Variants in SYT1 observed in about 807,000 individuals in gnomAD.
SYT1 encodes the protein synaptotagmin-1.
In SYT1, 8 loss-of-function variants were observed where a neutral mutation model predicts 44.8. The ratio of observed to expected loss-of-function variants is 0.18; its 90% confidence interval spans 0.10 to 0.32. The LOEUF (loss-of-function observed/expected upper bound fraction) is 0.32. SYT1 is among the 10% of genes least tolerant of loss of function. SYT1 has a pLI of 1.00. For missense variants in SYT1, 286 were observed against 509.3 expected (o/e 0.56, Z 4.22); for synonymous variants, 154 against 188.8 (o/e 0.82, Z 1.51).
At chr12:79,439,384 T>G (rs1246731094) in intron 9 of SYT1, among the ~76,000 whole-genome samples, 1 of 152,158 alleles carries the variant, frequency 6.6e-6, no homozygotes. Context: ...AATGTTCCCT[T>G]TGTCTTTTAT....
At chr12:79,316,993 A>G (rs1251278692) in intron 8 of SYT1, among the ~76,000 whole-genome samples, 1 of 152,220 alleles carries the variant, frequency 6.6e-6, no homozygotes, top group East Asian at 1.9e-4. Context: ...AATAAATTAT[A>G]TACCTATGTG....
At chr12:78,888,261 C>T (rs1003923603) in intron 1 of SYT1, among the ~76,000 whole-genome samples, 8 of 151,680 alleles carry the variant, frequency 5.3e-5, no homozygotes, top group African/African-American at 1.5e-4. Flanking sequence ...AAATGGATTG[C>T]TCATATTTCA....
At chr12:79,035,924 T>A (rs1873098922) in intron 2 of SYT1, among the ~76,000 whole-genome samples, 1 of 144,852 alleles carries the variant, frequency 6.9e-6, no homozygotes, top group Non-Finnish European at 1.5e-5. Context: ...AATATGACAA[T>A]GAGAAAACAA....
chr12:79,292,329 A>G (rs538848526), intron 6 of SYT1, among the ~76,000 whole-genome samples, 199 bp downstream of exon 6: 1 of 152,190 alleles, frequency 6.6e-6, no homozygotes, highest in African/African-American at 2.4e-5. Flanking sequence ...AATTCACAGT[A>G]TTCAACCGAT....
At chr12:79,138,476 C>T (rs575449445) in intron 3 of SYT1, among the ~76,000 whole-genome samples, 1 of 152,178 alleles carries the variant, frequency 6.6e-6, no homozygotes, top group Non-Finnish European at 1.5e-5. Context: ...TAAAAAAGTA[C>T]TATCTTAATT....
intron 9 of SYT1, among the ~76,000 whole-genome samples, chr12:79,367,066 C>T (rs1883580071): frequency 6.6e-6 from 1 of 151,974 alleles, no homozygotes; most frequent in Non-Finnish European, 1.5e-5. Context: ...GCCACAAGAC[C>T]CAGCATATTT....
intron 1 of SYT1, among the ~76,000 whole-genome samples, chr12:78,916,752 G>A (rs1001920222): frequency 4.6e-5 from 7 of 151,870 alleles, no homozygotes; most frequent in African/African-American, 1.4e-4. Context: ...AGTGTTTACT[G>A]TTTTGCTACC....
At chr12:79,033,279 T>C (rs887270778) in intron 2 of SYT1, among the ~76,000 whole-genome samples, 2 of 151,332 alleles carry the variant, frequency 1.3e-5, no homozygotes, top group African/African-American at 4.8e-5. Flanking sequence ...TGTAATTAGA[T>C]TGAACTCTTC....
chr12:79,373,199 C>T (rs1029459883), intron 9 of SYT1, among the ~76,000 whole-genome samples: 3 of 152,152 alleles, frequency 2.0e-5, no homozygotes, highest in Admixed American at 1.3e-4. Flanking sequence ...GGAATATCCT[C>T]TCCTACAATT....
At chr12:79,178,238 T>C (rs1265366524) in intron 3 of SYT1, among the ~76,000 whole-genome samples, 1 of 92,576 alleles carries the variant, frequency 1.1e-5, no homozygotes, top group African/African-American at 4.8e-5. Flanking sequence ...TCATTTCCTT[T>C]ACATTTTGAG....
intron 9 of SYT1, among the ~76,000 whole-genome samples, chr12:79,424,761 CTT>C (rs1869335282): frequency 6.6e-6 from 1 of 151,686 alleles, no homozygotes; most frequent in African/African-American, 2.4e-5. Context: ...GAAATATTCT[CTT>C]AACTTCTGTT....
chr12:78,921,640 C>T (rs187709677), intron 1 of SYT1, among the ~76,000 whole-genome samples: 2 of 151,844 alleles, frequency 1.3e-5, no homozygotes, highest in Admixed American at 1.3e-4. Flanking sequence ...GAAGACATGC[C>T]CCACCAGGCT....
chr12:79,250,408 G>C (rs557500794), intron 4 of SYT1, among the ~76,000 whole-genome samples: 1 of 152,128 alleles, frequency 6.6e-6, no homozygotes, highest in Non-Finnish European at 1.5e-5. Flanking sequence ...GAACACTCAC[G>C]TTGAATCACC....
intron 4 of SYT1, among the ~76,000 whole-genome samples, chr12:79,276,403 C>A (rs183847044): frequency 1.3e-5 from 2 of 151,838 alleles, no homozygotes; most frequent in East Asian, 1.9e-4. Flanking sequence ...ATTAGTGGGG[C>A]GCAATGACTC....
At chr12:79,113,043 T>C (rs953011816) in intron 3 of SYT1, among the ~76,000 whole-genome samples, 1 of 152,152 alleles carries the variant, frequency 6.6e-6, no homozygotes, top group Non-Finnish European at 1.5e-5. Context: ...TGCAACTGAA[T>C]GAACAAGCCC....
At chr12:79,305,457 T>A (rs73351049) in intron 8 of SYT1, among the ~76,000 whole-genome samples, 1,671 of 152,212 alleles carry the variant, frequency 0.011, 32 homozygotes, top group African/African-American at 0.038. Context: ...TCATCTTCAT[T>A]AAAGCTTATA....
intron 3 of SYT1, among the ~76,000 whole-genome samples, chr12:79,201,257 G>A (rs1342460095): frequency 2.0e-5 from 3 of 152,124 alleles, no homozygotes; most frequent in Non-Finnish European, 4.4e-5. Context: ...CAGAGCCAAT[G>A]AGAGATTCTA....
At chr12:79,006,294 CT>C (rs1161090991) in intron 2 of SYT1, among the ~76,000 whole-genome samples, 3 of 152,104 alleles carry the variant, frequency 2.0e-5, no homozygotes, top group Non-Finnish European at 4.4e-5. Flanking sequence ...CAAAGGAATG[CT>C]TGGTTAAGAC....
chr12:79,434,008 G>T (rs569886163), intron 9 of SYT1, among the ~76,000 whole-genome samples: 136 of 152,236 alleles, frequency 8.9e-4, no homozygotes, highest in African/African-American at 3.1e-3. Flanking sequence ...GTCACATGCT[G>T]TCCATTTGCC....
Sources: allele counts gnomAD v4.1 joint callset (sites outside exome capture counted in the v4.1 genomes callset), GRCh38; gene constraint gnomAD v4.1.1; transcripts MANE v1.5; gene names NCBI Gene and HGNC (gene_info 2026-07-23, HGNC 2026-07-21).